Variants in CDH7 observed in about 807,000 individuals in gnomAD.
CDH7 encodes cadherin-7.
CDH7 carries 25 observed loss-of-function variants against 71.8 expected under a neutral mutation model. The ratio of observed to expected loss-of-function variants is 0.35; its 90% CI spans 0.25 to 0.49. The LOEUF is 0.49. Among genes scored for constraint, CDH7 ranks in the 20% least tolerant of loss-of-function variants. The probability of loss-of-function intolerance (pLI) is 0.99; values close to 1 mark genes in which losing one functional copy is unlikely to be tolerated. For synonymous variants in CDH7, 381 were observed against 363.8 expected (o/e 1.05, Z -0.54); for missense variants, 862 against 974.6 (o/e 0.88, Z 1.54).
chr18:65,794,624 T>G (rs1910841609), intron 2 of CDH7, among the ~76,000 whole-genome samples: 1 of 151,946 alleles, frequency 6.6e-6, no homozygotes, highest in African/African-American at 2.4e-5. Flanking sequence ...TTTAGTTGTT[T>G]TAAGTTCACG....
chr18:65,818,227 T>C (rs990908380), intron 4 of CDH7, among the ~76,000 whole-genome samples: 1 of 152,348 alleles, frequency 6.6e-6, no homozygotes, highest in Middle Eastern at 3.4e-3. Context: ...AATTTACTTT[T>C]AGTTAACTTT....
intron 2 of CDH7, among the ~76,000 whole-genome samples, chr18:65,772,337 G>A (rs1377056353): frequency 2.0e-5 from 3 of 152,030 alleles, no homozygotes; most frequent in Non-Finnish European, 2.9e-5. Context: ...GATAAAAATC[G>A]GCATTTTCTT....
Position 65,869,250 on chromosome 18 carries a change from G to A in CDH7, c.1864+6333G>A, listed in dbSNP as rs576508096. Among the ~76,000 whole-genome samples the A allele has an allele frequency of 2.7e-5, 4 of 150,494 alleles. No individual in the cohort carries two copies. The South Asian group carries it at 8.4e-4, about 32-fold the overall frequency. ...TTTTTTTTTTTCCTCCTGAATTGTG[G>A]CAACTCTACCATTCTCTATCAGAAC... On this transcript the variant is annotated intron_variant, in intron 11 of 11. Coordinates refer to ENST00000397968, the MANE Select transcript of CDH7 (RefSeq NM_004361.5).
rs1568223702 is a variant in CDH7, at chr18:65,857,357, AT to A, written c.1236-458del. 1.3e-3 allele frequency among the ~76,000 whole-genome samples: 157 copies of A among 122,572 alleles called. 1 individual carries two copies. The highest frequency in any genetic ancestry group is 4.3e-3 in the African/African-American group (130 of 30,218). 80.4% of individuals were successfully genotyped at this position (122,572 alleles called of 152,430 possible). A position where few individuals can be genotyped will look rare whatever the true frequency, so the allele number is the denominator to read the frequency against. On this transcript the variant is annotated intron_variant, in intron 7 of 11. Transcript: ENST00000397968. ...AATAATAATAATAATAATAATAATA[AT>A]AATAAAATAGCCAAATATGGTGGTG...
chr18:65,864,561 A>G (rs1012260537), intron 11 of CDH7, among the ~76,000 whole-genome samples: 8 of 152,052 alleles, frequency 5.3e-5, no homozygotes, highest in African/African-American at 1.7e-4. Context: ...TTTATTTTAT[A>G]GTAGCAGAAT....
At chr18:65,756,291 A>G (rs1276808760) in intron 1 of CDH7, among the ~76,000 whole-genome samples, 1 of 152,194 alleles carries the variant, frequency 6.6e-6, no homozygotes, top group Non-Finnish European at 1.5e-5. Flanking sequence ...TCAGCCAACA[A>G]AATGTCTCAG....
rs140681340 is a variant in CDH7, at chr18:65,790,184, G to A, written c.211-19520G>A. Among the ~76,000 whole-genome samples the A allele has an allele frequency of 2.9e-3, 388 of 132,318 alleles. 2 individuals carry two copies. The highest frequency in any genetic ancestry group is 0.011 in the African/African-American group (373 of 33,744). 86.8% of individuals were successfully genotyped at this position (132,318 alleles called of 152,430 possible). ...TGCAGTGAGCCAAGATCGCGCCACT[G>A]CACTCCAGCCTGGGTGACAGAGTAA... On this transcript the variant is annotated intron_variant, in intron 2 of 11. Transcript: ENST00000397968.
In CDH7 at chr18:65,884,393, T is replaced by C. The variant is rs992324618; in HGVS notation, c.*3499T>C. 5 of 152,186 alleles carry C rather than the reference T, an allele frequency of 3.3e-5. No individual in the cohort carries two copies. Among genetic ancestry groups the C allele is most frequent in the African/African-American group, 1.2e-4 (5 of 41,442 alleles). The allele number at this position is 152,186 out of a possible 1,614,324, so 9.4% of individuals were successfully genotyped here. Reference sequence around the variant, plus strand: ...AGATCTGGGATCTGGTAAATGTCTTTATTTGCCAGGAAGCTCTGCTGATGA... The same window carrying C: ...AGATCTGGGATCTGGTAAATGTCTTCATTTGCCAGGAAGCTCTGCTGATGA... On this transcript the variant is annotated 3_prime_UTR_variant, in exon 12 of 12. Coordinates refer to ENST00000397968, the MANE Select transcript of CDH7 (RefSeq NM_004361.5).
intron 6 of CDH7, among the ~76,000 whole-genome samples, chr18:65,831,563 G>A (rs1228212110): frequency 2.0e-5 from 3 of 152,032 alleles, no homozygotes; most frequent in Non-Finnish European, 4.4e-5. Context: ...TACTGTTTGT[G>A]GCCCTAACAA....
At chr18:65,757,791 A>ATT (rs72020881) in intron 1 of CDH7, among the ~76,000 whole-genome samples, 9,754 of 145,672 alleles carry the variant, frequency 0.067, 382 homozygotes, top group African/African-American at 0.096. Flanking sequence ...ATATATATAT[A>ATT]TTTTTTTTTT....
At chr18:65,787,461 C>T (rs1005656754) in intron 2 of CDH7, among the ~76,000 whole-genome samples, 3 of 152,114 alleles carry the variant, frequency 2.0e-5, no homozygotes, top group African/African-American at 7.3e-5. Flanking sequence ...CGTTTACCTA[C>T]TAGCAGGAGG....
At chr18:65,840,294 T>C (rs923723837) in intron 6 of CDH7, among the ~76,000 whole-genome samples, 3 of 152,194 alleles carry the variant, frequency 2.0e-5, no homozygotes, top group African/African-American at 7.2e-5. Flanking sequence ...ACTTGATGTA[T>C]GAAAAAGTAT....
chr18:65,865,579 T>C (rs1379711929), intron 11 of CDH7: 1 of 152,170 alleles, frequency 6.6e-6, no homozygotes, highest in Non-Finnish European at 1.5e-5. Context: ...AGCTTCCATT[T>C]CTATAGTGAC....
intron 2 of CDH7, among the ~76,000 whole-genome samples, chr18:65,782,379 A>G (rs1012283946): frequency 2.0e-5 from 3 of 151,890 alleles, no homozygotes; most frequent in Non-Finnish European, 4.4e-5. Flanking sequence ...GCTGGTCTTG[A>G]ACTCCTAACT....
intron 2 of CDH7, among the ~76,000 whole-genome samples, chr18:65,781,844 T>TCC (rs1910233851): frequency 1.0e-5 from 1 of 98,314 alleles, no homozygotes; most frequent in African/African-American, 6.7e-5. Context: ...CTTTCTTTCT[T>TCC]TCTTTCTTTC....
At chr18:65,785,767 G>A (rs1353522612) in intron 2 of CDH7, among the ~76,000 whole-genome samples, 1 of 152,072 alleles carries the variant, frequency 6.6e-6, no homozygotes, top group South Asian at 2.1e-4. Context: ...TAAAAAGCAT[G>A]AAAATTATGA....
In CDH7 at chr18:65,762,826, A is replaced by G; in HGVS notation, c.-17A>G. 6.3e-7 allele frequency: 1 copy of G among 1,599,846 alleles called. No individual in the cohort carries two copies. Among genetic ancestry groups the G allele is most frequent in the African/African-American group, 1.3e-5 (1 of 74,114 alleles). ...AAGGTTTTTTTCTTACACAGGAAAA[A>G]GAAAGAAAAAAAAAAGATGAAGTTG... On this transcript the variant is annotated 5_prime_UTR_variant, in exon 2 of 12. Coordinates refer to ENST00000397968, the MANE Select transcript of CDH7 (RefSeq NM_004361.5).
At chr18:65,758,189 G>C (rs1234440877) in intron 1 of CDH7, among the ~76,000 whole-genome samples, 1 of 152,154 alleles carries the variant, frequency 6.6e-6, no homozygotes, top group Admixed American at 6.5e-5. Flanking sequence ...TTTAAGTTTG[G>C]ATTACTTCTG....
At chr18:65,757,062 T>G (rs1234431193) in intron 1 of CDH7, among the ~76,000 whole-genome samples, 3 of 150,568 alleles carry the variant, frequency 2.0e-5, no homozygotes, top group African/African-American at 7.4e-5. Context: ...TTTTTTTGCA[T>G]GAAAGGACCT....
Sources: gnomAD v4.1 joint callset for allele counts (sites outside exome capture counted in the v4.1 genomes callset) on GRCh38, gnomAD v4.1.1 for gene constraint, MANE v1.5 for transcripts, NCBI Gene and HGNC (gene_info 2026-07-23, HGNC 2026-07-21) for gene names.